Variants in CSMD1 observed in about 807,000 individuals in gnomAD.
The protein encoded by CSMD1 is CUB and sushi domain-containing protein 1.
In CSMD1, 213 loss-of-function variants were observed where a neutral mutation model predicts 417.5. The observed-to-expected ratio is 0.51, with a 90% CI of 0.46 to 0.57. CSMD1 has a LOEUF of 0.57. CSMD1 is among the 20% of genes least tolerant of loss of function. The pLI is 0.00. For missense variants in CSMD1, 6,923 were observed against 4,529.7 expected (o/e 1.53, Z -15.17); for synonymous variants, 2,862 against 1,736.8 (o/e 1.65, Z -16.11).
chr8:3,452,802 G>A (rs574333890), intron 12 of CSMD1, among the ~76,000 whole-genome samples: 1 of 152,142 alleles, frequency 6.6e-6, no homozygotes, highest in South Asian at 2.1e-4. Context: ...TCTCTGCCAG[G>A]CTTTGGTATC....
At chr8:4,686,591 C>G (rs1222790968) in intron 1 of CSMD1, among the ~76,000 whole-genome samples, 1 of 152,254 alleles carries the variant, frequency 6.6e-6, no homozygotes, top group African/African-American at 2.4e-5. Context: ...AGTCCTTCGT[C>G]CAGTCTCACG....
chr8:3,699,291 C>T (rs1800719967), intron 7 of CSMD1, among the ~76,000 whole-genome samples: 1 of 152,200 alleles, frequency 6.6e-6, no homozygotes, highest in Admixed American at 6.5e-5. Context: ...TCATAATTTT[C>T]CTGTTTCCTT....
chr8:3,067,042 T>C (rs183722887), intron 49 of CSMD1, among the ~76,000 whole-genome samples: 1 of 152,176 alleles, frequency 6.6e-6, no homozygotes, highest in East Asian at 1.9e-4. Flanking sequence ...TTCAACCTCA[T>C]CTCTTTCGCT....
intron 41 of CSMD1, among the ~76,000 whole-genome samples, chr8:3,122,171 A>T (rs7832068): frequency 0.32 from 47,995 of 152,094 alleles, 11,878 homozygotes; most frequent in African/African-American, 0.69. Flanking sequence ...CAAGCTTTAT[A>T]TACAGAAAAT....
intron 26 of CSMD1, 104 bp from the exon 27 acceptor site, chr8:3,230,335 A>G (rs1350769868): frequency 5.9e-6 from 5 of 849,348 alleles, no homozygotes; most frequent in Non-Finnish European, 7.0e-6. Flanking sequence ...CATTGGCCTA[A>G]TAAGTCATTT....
In CSMD1 at chr8:4,990,852, C is replaced by A. The variant is rs552582182; in HGVS notation, c.85+3480G>T. On this transcript the variant is annotated intron_variant, in intron 1 of 69. Coordinates refer to ENST00000635120, the MANE Select transcript of CSMD1 (RefSeq NM_033225.6). ...ATAAGGTAACTCATCTAAAACCATG[C>A]AGGTATGGGAGGGCGCACCTCTCTC... is the stretch of plus-strand genomic sequence containing the variant. Among the ~76,000 whole-genome samples the A allele has an allele frequency of 7.8e-4, 119 of 152,206 alleles. 1 individual carries two copies. In the South Asian group the frequency reaches 9.4e-3, roughly 12 times the overall value.
chr8:4,038,777 A>G (rs1014121628), intron 3 of CSMD1, among the ~76,000 whole-genome samples: 1 of 152,214 alleles, frequency 6.6e-6, no homozygotes, highest in African/African-American at 2.4e-5. Context: ...GGATTTCTTG[A>G]AAGAGCTCTG....
chr8:4,167,552 G>A (rs970738039), intron 3 of CSMD1, among the ~76,000 whole-genome samples: 3 of 152,120 alleles, frequency 2.0e-5, no homozygotes, highest in Non-Finnish European at 4.4e-5. Flanking sequence ...CTTGCTTGTT[G>A]CAGAAATTAG....
intron 7 of CSMD1, among the ~76,000 whole-genome samples, chr8:3,700,028 T>A (rs1005787772): frequency 6.6e-6 from 1 of 152,182 alleles, no homozygotes; most frequent in South Asian, 2.1e-4. Context: ...TTATAAATTC[T>A]TAGTAGAGAT....
chr8:3,745,688 T>G (rs998719125), intron 6 of CSMD1, among the ~76,000 whole-genome samples: 1 of 152,234 alleles, frequency 6.6e-6, no homozygotes, highest in African/African-American at 2.4e-5. Flanking sequence ...AGGCAGCTGC[T>G]GGAGTAAGGA....
At chr8:4,206,486 T>C (rs1177138272) in intron 3 of CSMD1, among the ~76,000 whole-genome samples, 3 of 152,190 alleles carry the variant, frequency 2.0e-5, no homozygotes, top group Non-Finnish European at 4.4e-5. Context: ...GTTTCCAGCT[T>C]CGTCCATGTC....
intron 3 of CSMD1, among the ~76,000 whole-genome samples, chr8:4,417,441 C>T (rs985381814): frequency 2.6e-5 from 4 of 152,088 alleles, no homozygotes. Flanking sequence ...GATTCTTCTC[C>T]TTTCAAGCCA....
chr8:4,005,317 C>T (rs139753364), intron 4 of CSMD1, among the ~76,000 whole-genome samples: 1 of 152,128 alleles, frequency 6.6e-6, no homozygotes, highest in Non-Finnish European at 1.5e-5. Context: ...AAGTTTCAAG[C>T]CTACAGACAT....
chr8:2,989,377 A>C (rs188716456), intron 54 of CSMD1, among the ~76,000 whole-genome samples: 1 of 152,356 alleles, frequency 6.6e-6, no homozygotes, highest in East Asian at 1.9e-4. Context: ...AAAATGGAAT[A>C]ATAGAAAACT....
chr8:3,315,636 A>G (rs1454856266), intron 23 of CSMD1, among the ~76,000 whole-genome samples: 1 of 152,092 alleles, frequency 6.6e-6, no homozygotes, highest in Non-Finnish European at 1.5e-5. Context: ...ATGGTAAGAT[A>G]CTCCACATTT....
At chr8:3,798,975 G>C (rs777147371) in intron 5 of CSMD1, among the ~76,000 whole-genome samples, 2 of 151,586 alleles carry the variant, frequency 1.3e-5, no homozygotes, top group Non-Finnish European at 2.9e-5. Context: ...TATATATATG[G>C]GTGAATAATA....
chr8:4,301,947 C>T (rs34447355), intron 3 of CSMD1, among the ~76,000 whole-genome samples: 112,967 of 152,116 alleles, frequency 0.74, 42,144 homozygotes, highest in East Asian at 0.85. Flanking sequence ...CAAACTAATG[C>T]CTTATCCTTC....
intron 3 of CSMD1, among the ~76,000 whole-genome samples, chr8:4,275,802 G>A (rs906829329): frequency 1.3e-5 from 2 of 152,116 alleles, no homozygotes; most frequent in South Asian, 2.1e-4. Flanking sequence ...ACTTTGGCAT[G>A]ACTAATGATC....
At chr8:4,816,553 A>G (rs1799220840) in intron 1 of CSMD1, among the ~76,000 whole-genome samples, 1 of 152,056 alleles carries the variant, frequency 6.6e-6, no homozygotes, top group South Asian at 2.1e-4. Context: ...TCTCATTTTC[A>G]TTCAACACAG....
Sources: gnomAD v4.1 joint callset for allele counts (sites outside exome capture counted in the v4.1 genomes callset) on GRCh38, gnomAD v4.1.1 for gene constraint, MANE v1.5 for transcripts, NCBI Gene and HGNC (gene_info 2026-07-23, HGNC 2026-07-21) for gene names.